KIF21A: variants seen among roughly 807,000 people sequenced by gnomAD.
The protein encoded by KIF21A is kinesin-like protein KIF21A.
KIF21A carries 114 observed loss-of-function variants against 202.9 expected under a neutral mutation model. The observed-to-expected ratio is 0.56, with a 90% confidence interval of 0.48 to 0.66. KIF21A has a LOEUF of 0.66. Among genes scored for constraint, KIF21A ranks in the 30% least tolerant of loss-of-function variants. KIF21A has a pLI of 0.00. For synonymous variants in KIF21A, 667 were observed against 670.8 expected, an observed-to-expected ratio of 0.99 and a Z score of 0.09; for missense variants, 1,677 against 1,994.9, an observed-to-expected ratio of 0.84 and a Z score of 3.04.
At chr12:39,346,318 T>C in intron 12 of KIF21A, 148 bp downstream of exon 12, 1 of 426,452 alleles carries the variant, frequency 2.3e-6, no homozygotes, top group Non-Finnish European at 4.0e-6. Flanking sequence ...ACAGTGTTCT[T>C]GTTAGTTTTA....
intron 1 of KIF21A, among the ~76,000 whole-genome samples, chr12:39,434,555 G>A (rs1020596888): frequency 6.6e-6 from 1 of 152,248 alleles, no homozygotes; most frequent in South Asian, 2.1e-4. Context: ...GAATTACTGA[G>A]GGAAAACCAA....
Position 39,443,081 on chromosome 12 carries a change from C to T in KIF21A, c.-111G>A, listed in dbSNP as rs546480576. The T allele has an allele frequency of 1.9e-4, 210 of 1,108,872 alleles. No homozygotes were observed. The African/African-American group carries it at 2.9e-3, about 16-fold the overall frequency. The allele number at this position is 1,108,872 out of a possible 1,614,324, so 68.7% of individuals were successfully genotyped here. ...GGCTGGGGCGTCTGCGGGCGGGCGG[C>T]CGGCTCACCTCCGCCGCGCTCCAGC... On this transcript the variant is annotated 5_prime_UTR_variant, in exon 1 of 38. Coordinates refer to ENST00000361418, the MANE Select transcript of KIF21A (RefSeq NM_001173464.2).
intron 7 of KIF21A, among the ~76,000 whole-genome samples, chr12:39,360,252 C>A (rs546527414): frequency 5.3e-5 from 8 of 152,120 alleles, no homozygotes; most frequent in South Asian, 2.1e-4. Context: ...AAAAAGCACA[C>A]AATTCTGCTT....
chr12:39,421,689 T>C (rs1229896255), intron 1 of KIF21A, among the ~76,000 whole-genome samples: 1 of 146,716 alleles, frequency 6.8e-6, no homozygotes, highest in Non-Finnish European at 1.5e-5. Flanking sequence ...CAAGACTCCA[T>C]CTCAAAATAA....
Position 39,294,406 on chromosome 12 carries a change from A to T in KIF21A, c.*18T>A, listed in dbSNP as rs781282831. 2 of 1,553,844 alleles carry T rather than the reference A, an allele frequency of 1.3e-6. No individual in the cohort carries two copies. The highest frequency in any genetic ancestry group is 1.8e-6 in the Non-Finnish European group (2 of 1,125,212). On this transcript the variant is annotated 3_prime_UTR_variant, in exon 38 of 38. Transcript: ENST00000361418. The stretch of plus-strand genomic sequence containing the variant: ...GTATTATCACAGCATTCAGTTTACA[A>T]CCTATCTTCATTCATGTTTAATTAC...
At position 39,356,902 on chromosome 12, in the gene KIF21A, G is replaced by A; in HGVS notation, c.1406-7C>T. ...ATCTCCTCATTTCCTTCACCTGAAAGACAAAATATGAAATAAAAATTTTCC... is the reference window on the plus strand; with the variant it reads ...ATCTCCTCATTTCCTTCACCTGAAAAACAAAATATGAAATAAAAATTTTCC... On this transcript the variant is annotated splice_polypyrimidine_tract_variant and splice_region_variant and intron_variant, in intron 9 of 37. Transcript: ENST00000361418. 1 of 1,190,904 alleles carries A rather than the reference G, an allele frequency of 8.4e-7. No individual in the cohort carries two copies. The highest frequency in any genetic ancestry group is 1.3e-5 in the South Asian group (1 of 79,030). 73.8% of individuals were successfully genotyped at this position (1,190,904 alleles called of 1,614,324 possible).
chr12:39,392,197 C>T (rs2052911911), intron 1 of KIF21A, among the ~76,000 whole-genome samples: 1 of 152,112 alleles, frequency 6.6e-6, no homozygotes, highest in East Asian at 1.9e-4. Context: ...TTAGTTAGAG[C>T]TAATTAACAG....
intron 37 of KIF21A, among the ~76,000 whole-genome samples, chr12:39,296,160 C>T (rs1942340554): frequency 6.6e-6 from 1 of 151,246 alleles, no homozygotes; most frequent in Non-Finnish European, 1.5e-5. Context: ...GCTCCGCCTC[C>T]CGGGTTCAGG....
At chr12:39,378,703 T>C (rs1950417543) in intron 1 of KIF21A, among the ~76,000 whole-genome samples, 1 of 152,122 alleles carries the variant, frequency 6.6e-6, no homozygotes, top group Non-Finnish European at 1.5e-5. Flanking sequence ...TCAGACAGTG[T>C]GTAAGGCAAA....
Position 39,333,278 on chromosome 12 carries a change from A to G in KIF21A, c.2421T>C (p.His807=), listed in dbSNP as rs1357819246. Residue 807 remains histidine, a splice_region_variant and synonymous_variant, in exon 18 of 38, where the codon CAT becomes CAC. Transcript: ENST00000361418. ...QLKKDQRKRD[H]QLRLLEAQKR... Reference sequence around the variant, plus strand: ...TTTGGGCTTCCAGAAGTCTAAGTTGATGCTATAAAATAATATTAAATAAGT... The same window carrying G: ...TTTGGGCTTCCAGAAGTCTAAGTTGGTGCTATAAAATAATATTAAATAAGT... 3 of 1,589,486 alleles carry G rather than the reference A, an allele frequency of 1.9e-6. No homozygotes were observed. Among genetic ancestry groups the G allele is most frequent in the Non-Finnish European group, 2.6e-6 (3 of 1,157,844 alleles).
intron 1 of KIF21A, among the ~76,000 whole-genome samples, chr12:39,438,734 TCTCCCATTTTCACCAAA>T (rs1164940991): frequency 1.3e-5 from 2 of 152,148 alleles, no homozygotes; most frequent in Non-Finnish European, 2.9e-5. Flanking sequence ...CCTTTCTGTA[TCTCCCATTTTCACCAAA>T]CTCTTGACAT....
At chr12:39,387,161 TACACACACACAC>T (rs3036323) in intron 1 of KIF21A, among the ~76,000 whole-genome samples, 157 of 138,240 alleles carry the variant, frequency 1.1e-3, no homozygotes, top group African/African-American at 2.5e-3. Flanking sequence ...ATGCAGTAGT[TACACACACACAC>T]ACACACACAC....
At chr12:39,300,817 G>A (rs1411253681) in intron 37 of KIF21A, among the ~76,000 whole-genome samples, 1 of 151,928 alleles carries the variant, frequency 6.6e-6, no homozygotes, top group Non-Finnish European at 1.5e-5. Context: ...ACCCTATTTT[G>A]TAACCCTGCC....
At chr12:39,395,607 T>G (rs1191583383) in intron 1 of KIF21A, among the ~76,000 whole-genome samples, 2 of 152,100 alleles carry the variant, frequency 1.3e-5, no homozygotes, top group East Asian at 3.9e-4. Context: ...TTTGGGAGGC[T>G]GAGGCGGGCG....
chr12:39,310,028 G>C (rs1163104369), intron 32 of KIF21A, among the ~76,000 whole-genome samples: 6 of 151,910 alleles, frequency 3.9e-5, no homozygotes, highest in African/African-American at 2.4e-5. Context: ...GAAAATTTTT[G>C]AAATGGTCAT....
intron 1 of KIF21A, among the ~76,000 whole-genome samples, chr12:39,419,208 T>A (rs1954033869): frequency 6.6e-6 from 1 of 152,126 alleles, no homozygotes; most frequent in Non-Finnish European, 1.5e-5. Context: ...CTAGGTGTAG[T>A]TCTAACAGTA....
intron 7 of KIF21A, among the ~76,000 whole-genome samples, chr12:39,359,160 G>A (rs965083266): frequency 1.3e-5 from 2 of 152,114 alleles, no homozygotes; most frequent in African/African-American, 2.4e-5. Context: ...CTAGTCTCCT[G>A]CTTCCAATCT....
intron 30 of KIF21A, 25 bp from the exon 31 acceptor site, chr12:39,315,265 C>A (rs746319777): frequency 1.2e-6 from 2 of 1,609,026 alleles, no homozygotes; most frequent in Admixed American, 1.7e-5. Flanking sequence ...CAAAAATGGC[C>A]ATAAAACAAG....
At chr12:39,419,626 C>G (rs1267129099) in intron 1 of KIF21A, among the ~76,000 whole-genome samples, 1 of 152,068 alleles carries the variant, frequency 6.6e-6, no homozygotes, top group African/African-American at 2.4e-5. Flanking sequence ...CATGACTTAC[C>G]AAAAGGTAGC....
Sources: allele counts gnomAD v4.1 joint callset (sites outside exome capture counted in the v4.1 genomes callset), GRCh38; gene constraint gnomAD v4.1.1; transcripts MANE v1.5; gene names NCBI Gene and HGNC (gene_info 2026-07-23, HGNC 2026-07-21).